AKR1C3: variants seen among roughly 807,000 people sequenced by gnomAD.
AKR1C3 encodes the protein 3-alpha hydroxysteroid dehydrogenase, type II.
In AKR1C3, 48 loss-of-function variants were observed where a neutral mutation model predicts 43.6. That is an observed-to-expected ratio of 1.10 (90% confidence interval 0.87 to 1.40). The LOEUF is 1.40. Among genes scored for constraint, AKR1C3 ranks in the 40% most tolerant of loss-of-function variants. AKR1C3 has a pLI of 0.00. For missense variants in AKR1C3, 482 were observed against 391.2 expected, an observed-to-expected ratio of 1.23 and a Z score of -1.96; for synonymous variants, 162 against 139.6, an observed-to-expected ratio of 1.16 and a Z score of -1.13.
At chr10:5,053,640 C>A (rs1838200411) in intron 1 of AKR1C3, among the ~76,000 whole-genome samples, 1 of 152,348 alleles carries the variant, frequency 6.6e-6, no homozygotes, top group African/African-American at 2.4e-5. Context: ...ACTGTGAGGC[C>A]TGCCAGCACA....
chr10:5,106,231 G>GGCAAAAGC (rs1839496626), intron 8 of AKR1C3, among the ~76,000 whole-genome samples: 1 of 152,074 alleles, frequency 6.6e-6, no homozygotes, highest in Non-Finnish European at 1.5e-5. Context: ...TTTGCCTCCA[G>GGCAAAAGC]AAAGCCTTCC....
At chr10:5,063,019 G>A (rs1554780393) in intron 1 of AKR1C3, among the ~76,000 whole-genome samples, 1 of 152,086 alleles carries the variant, frequency 6.6e-6, no homozygotes, top group East Asian at 1.9e-4. Context: ...AATAATTCAG[G>A]ATGAAGGAGA....
chr10:5,055,707 A>G lies in AKR1C3; in HGVS notation c.84+6812A>G, dbSNP rs184758676. Among the ~76,000 whole-genome samples, 12 of 152,224 alleles carry G rather than the reference A, an allele frequency of 7.9e-5. 1 individual carries two copies. In the East Asian group the frequency reaches 2.3e-3, roughly 30 times the overall value. Reference sequence around the variant, plus strand: ...ATAAAGAGAAGTTTTGTCCTGTGGGAAGGCTTAAAGATGGAGCTTGTACTA... The same window carrying G: ...ATAAAGAGAAGTTTTGTCCTGTGGGGAGGCTTAAAGATGGAGCTTGTACTA... On this transcript the variant is annotated intron_variant, in intron 1 of 8. Coordinates refer to the AKR1C3 transcript ENST00000439082.
chr10:5,088,697 T>G (rs902689975), intron 1 of AKR1C3, among the ~76,000 whole-genome samples: 1 of 151,818 alleles, frequency 6.6e-6, no homozygotes, highest in Non-Finnish European at 1.5e-5. Context: ...GTAGGTGTCA[T>G]TAGACCTAAT....
In AKR1C3 at chr10:5,097,469, A is replaced by G; in HGVS notation, c.288A>G (p.Arg96=). 1 of 1,613,834 alleles carries G rather than the reference A, an allele frequency of 6.2e-7. No individual in the cohort carries two copies. Among genetic ancestry groups the G allele is most frequent in the South Asian group, 1.1e-5 (1 of 91,068 alleles). Reference sequence around the variant, plus strand: ...CTTTTCATCGACCAGAGTTGGTCCGACCAGCCTTGGAAAACTCACTGAAGA... The same window carrying G: ...CTTTTCATCGACCAGAGTTGGTCCGGCCAGCCTTGGAAAACTCACTGAAGA... ...WSTFHRPELV[R]PALENSLKKA... is the part of the protein sequence containing the mutation. Residue 96 remains arginine (R), a synonymous_variant, in exon 3 of 9, where the codon CGA becomes CGG. Transcript: ENST00000380554.
intron 1 of AKR1C3, among the ~76,000 whole-genome samples, chr10:5,075,085 A>T (rs1365009027): frequency 5.3e-5 from 8 of 152,188 alleles, no homozygotes; most frequent in Non-Finnish European, 8.8e-5. Flanking sequence ...GACCTGTCTC[A>T]TCATTCTTTG....
intron 3 of AKR1C3, 23 bp downstream of exon 3, chr10:5,097,573 A>G: frequency 6.2e-7 from 1 of 1,612,964 alleles, no homozygotes; most frequent in Non-Finnish European, 8.5e-7. Context: ...TATGAGCATA[A>G]AATTGCGCTT....
intron 5 of AKR1C3, chr10:5,099,970 GCAGA>G (rs1839307395): frequency 6.5e-6 from 1 of 153,998 alleles, no homozygotes; most frequent in African/African-American, 2.4e-5. Context: ...AAAATTAGCT[GCAGA>G]CAATGAAAGT....
intron 1 of AKR1C3, among the ~76,000 whole-genome samples, chr10:5,074,320 T>C (rs1308464099): frequency 6.6e-6 from 1 of 152,220 alleles, no homozygotes; most frequent in Non-Finnish European, 1.5e-5. Context: ...GAGACCTCTC[T>C]CAGATTTTGG....
At chr10:5,077,632 G>A in intron 1 of AKR1C3, 1 of 1,046,474 alleles carries the variant, frequency 9.6e-7, no homozygotes, top group Non-Finnish European at 1.1e-6. Context: ...TGGGCAAGGA[G>A]TTTGGTTTTT....
At chr10:5,077,540 T>C (rs1838740325) in intron 1 of AKR1C3, 2 of 372,080 alleles carry the variant, frequency 5.4e-6, no homozygotes, top group Admixed American at 6.4e-5. Flanking sequence ...TGTCCTATTA[T>C]GGAAATGCAA....
intron 1 of AKR1C3, among the ~76,000 whole-genome samples, chr10:5,089,094 G>A (rs1161796193): frequency 5.3e-5 from 8 of 151,902 alleles, no homozygotes; most frequent in Admixed American, 5.2e-4. Flanking sequence ...CGACTTTTAG[G>A]TTTTCTGCTG....
At chr10:5,097,802 C>A in intron 3 of AKR1C3, 1 of 1,230,252 alleles carries the variant, frequency 8.1e-7, no homozygotes, top group Non-Finnish European at 1.0e-6. Flanking sequence ...TTACAATAGT[C>A]TCTTTCAAGG....
intron 1 of AKR1C3, among the ~76,000 whole-genome samples, chr10:5,084,798 T>C (rs1328928373): frequency 1.3e-5 from 2 of 152,210 alleles, no homozygotes; most frequent in Non-Finnish European, 2.9e-5. Context: ...TTCACATCCC[T>C]TGTAAGTTGG....
At chr10:5,078,315 TG>T (rs1247434526) in intron 1 of AKR1C3, among the ~76,000 whole-genome samples, 8 of 152,164 alleles carry the variant, frequency 5.3e-5, no homozygotes, top group African/African-American at 1.9e-4. Context: ...TGGTGGCATG[TG>T]CCTGTAGTCC....
intron 1 of AKR1C3, among the ~76,000 whole-genome samples, chr10:5,059,835 C>G (rs184647867): frequency 6.6e-6 from 1 of 152,136 alleles, no homozygotes; most frequent in Non-Finnish European, 1.5e-5. Flanking sequence ...CCTTCGTGGT[C>G]GCCAAAATGT....
intron 8 of AKR1C3, 96 bp downstream of exon 8, chr10:5,105,773 C>G (rs1839486397): frequency 8.9e-6 from 8 of 898,870 alleles, no homozygotes; most frequent in Non-Finnish European, 1.4e-5. Context: ...GGGACAGAGG[C>G]CAATGTGAGT....
At chr10:5,068,576 C>G (rs1838557799) in intron 1 of AKR1C3, among the ~76,000 whole-genome samples, 1 of 151,180 alleles carries the variant, frequency 6.6e-6, no homozygotes, top group African/African-American at 2.4e-5. Context: ...TTCTAGTAAT[C>G]TTAATTACAT....
chr10:5,106,096 A>G (rs997752442), intron 8 of AKR1C3, among the ~76,000 whole-genome samples: 2 of 152,212 alleles, frequency 1.3e-5, no homozygotes, highest in African/African-American at 4.8e-5. Flanking sequence ...TTTGTGGTCC[A>G]GGTGCCAATT....
Sources: allele counts gnomAD v4.1 joint callset (sites outside exome capture counted in the v4.1 genomes callset), GRCh38; gene constraint gnomAD v4.1.1; transcripts MANE v1.5; gene names NCBI Gene and HGNC (gene_info 2026-07-23, HGNC 2026-07-21).